MAP3K5: variants seen among roughly 807,000 people sequenced by gnomAD.
MAP3K5 encodes the protein mitogen-activated protein kinase kinase kinase 5.
In MAP3K5, 56 loss-of-function variants were observed where a neutral mutation model predicts 158.7. That is an observed-to-expected ratio of 0.35 (90% CI 0.28 to 0.44). The LOEUF (loss-of-function observed/expected upper bound fraction) is 0.44. Among genes scored for constraint, MAP3K5 ranks in the 20% least tolerant of loss-of-function variants. The pLI is 1.00. For missense variants in MAP3K5, 1,294 were observed against 1,674.8 expected (o/e 0.77, Z 3.97); for synonymous variants, 579 against 601.7 (o/e 0.96, Z 0.55).
intron 15 of MAP3K5, among the ~76,000 whole-genome samples, chr6:136,617,655 C>T (rs1334033864): frequency 6.6e-6 from 1 of 152,174 alleles, no homozygotes; most frequent in Non-Finnish European, 1.5e-5. Context: ...CAGTCCACGG[C>T]CGGTGCAGTG....
At chr6:136,694,109 T>C (rs762328929) in intron 7 of MAP3K5, 31 bp downstream of exon 7, 2 of 1,559,208 alleles carry the variant, frequency 1.3e-6, no homozygotes. Context: ...ATTTACTAAG[T>C]AAGTAGCTCA....
intron 7 of MAP3K5, among the ~76,000 whole-genome samples, chr6:136,674,545 A>G (rs913069155): frequency 6.6e-6 from 1 of 152,028 alleles, no homozygotes. Flanking sequence ...AGAACAAAAA[A>G]CATGTAAGAC....
At chr6:136,789,503 G>A (rs554920454) in intron 1 of MAP3K5, among the ~76,000 whole-genome samples, 57 of 151,896 alleles carry the variant, frequency 3.8e-4, no homozygotes, top group African/African-American at 1.1e-3. Flanking sequence ...CAGAGTGGGC[G>A]CAGGAAAAAG....
At chr6:136,780,150 G>A (rs1279797164) in intron 1 of MAP3K5, among the ~76,000 whole-genome samples, 2 of 152,192 alleles carry the variant, frequency 1.3e-5, no homozygotes, top group Admixed American at 6.5e-5. Flanking sequence ...TTTTAAAGGG[G>A]TGTGTACCTT....
intron 7 of MAP3K5, among the ~76,000 whole-genome samples, chr6:136,689,895 G>A (rs1780315216): frequency 6.6e-6 from 1 of 151,796 alleles, no homozygotes; most frequent in African/African-American, 2.4e-5. Context: ...ATTTCTAAAA[G>A]CTAAGATTTC....
intron 8 of MAP3K5, among the ~76,000 whole-genome samples, chr6:136,666,279 G>A (rs1187770507): frequency 6.6e-6 from 1 of 152,204 alleles, no homozygotes; most frequent in Non-Finnish European, 1.5e-5. Flanking sequence ...CAGCATGACA[G>A]TTAAGAATCA....
chr6:136,567,317 A>G (rs76246271), intron 26 of MAP3K5, among the ~76,000 whole-genome samples: 16 of 152,112 alleles, frequency 1.1e-4, no homozygotes, highest in African/African-American at 3.9e-4. Context: ...TCAGCTATCT[A>G]CTGGAAGGTA....
At chr6:136,730,385 T>A (rs1782168823) in intron 1 of MAP3K5, among the ~76,000 whole-genome samples, 1 of 151,372 alleles carries the variant, frequency 6.6e-6, no homozygotes, top group African/African-American at 2.4e-5. Context: ...CTGATAGCAG[T>A]CCTTTTGAAC....
At position 136,582,913 on chromosome 6, in the gene MAP3K5, C is replaced by T. The variant is rs79842965; in HGVS notation, c.3411+642G>A. On this transcript the variant is annotated intron_variant, in intron 24 of 29. Transcript: ENST00000359015. ...AGAATAACACAGAGGGTTCTGAATG[C>T]AGTACAGAAGACTGGCTTTAGTTTG... 9.6e-3 allele frequency among the ~76,000 whole-genome samples: 1,456 copies of T among 152,200 alleles called. 27 individuals carry two copies. The highest frequency in any genetic ancestry group is 0.033 in the African/African-American group (1,386 of 41,516).
chr6:136,758,130 T>C (rs1783589201), intron 1 of MAP3K5, among the ~76,000 whole-genome samples: 1 of 152,230 alleles, frequency 6.6e-6, no homozygotes, highest in African/African-American at 2.4e-5. Flanking sequence ...AATGCTATTT[T>C]GATTTTACTT....
chr6:136,691,816 C>G (rs1004119788), intron 7 of MAP3K5, among the ~76,000 whole-genome samples: 1 of 152,052 alleles, frequency 6.6e-6, no homozygotes, highest in Non-Finnish European at 1.5e-5. Context: ...CTTTTCAGTT[C>G]TAGAACTCCC....
At chr6:136,671,090 C>T (rs997602461) in intron 7 of MAP3K5, among the ~76,000 whole-genome samples, 3 of 152,164 alleles carry the variant, frequency 2.0e-5, no homozygotes, top group Non-Finnish European at 4.4e-5. Flanking sequence ...GAAGTAGACA[C>T]TTCCCTTTCT....
intron 2 of MAP3K5, among the ~76,000 whole-genome samples, chr6:136,718,077 C>T (rs1781599650): frequency 1.3e-5 from 2 of 152,016 alleles, no homozygotes; most frequent in South Asian, 2.1e-4. Flanking sequence ...AGTCGTAATC[C>T]CAAATTTTCC....
chr6:136,724,037 T>C (rs1011251776), intron 1 of MAP3K5, among the ~76,000 whole-genome samples: 1 of 152,050 alleles, frequency 6.6e-6, no homozygotes, highest in African/African-American at 2.4e-5. Context: ...ATCACATTGC[T>C]TTAAAATCAA....
At chr6:136,669,178 T>A (rs1351551326) in intron 8 of MAP3K5, 105 bp downstream of exon 8, 7 of 793,436 alleles carry the variant, frequency 8.8e-6, no homozygotes, top group Non-Finnish European at 1.5e-5. Flanking sequence ...TTGGGAAGTA[T>A]GAAAAGACAG....
At chr6:136,698,468 G>A (rs1188673070) in intron 4 of MAP3K5, 21 bp downstream of exon 4, 3 of 1,599,298 alleles carry the variant, frequency 1.9e-6, no homozygotes, top group East Asian at 2.2e-5. Context: ...TCACCAAATG[G>A]CATTATTAAT....
At chr6:136,569,473 T>C (rs1774269775) in intron 25 of MAP3K5, among the ~76,000 whole-genome samples, 1 of 152,244 alleles carries the variant, frequency 6.6e-6, no homozygotes, top group Non-Finnish European at 1.5e-5. Flanking sequence ...TTCTTTATGC[T>C]GACTTCAACT....
chr6:136,792,175 C>G lies in MAP3K5; in HGVS notation c.-18G>C, dbSNP rs1019612547. 10 of 1,534,696 alleles carry G rather than the reference C, an allele frequency of 6.5e-6. No homozygotes were observed. The African/African-American group carries it at 8.5e-5, about 13-fold the overall frequency. On this transcript the variant is annotated 5_prime_UTR_variant, in exon 1 of 30. Coordinates refer to ENST00000359015, the MANE Select transcript of MAP3K5 (RefSeq NM_005923.4). This position sits in a 1 kb window ranked among gnomAD's most constrained non-coding sequence, Gnocchi z 5.7. The stretch of plus-strand genomic sequence containing the variant: ...GTGCTCATCTCTCCGGGCCGGGCAG[C>G]AACGGCGGCGGCGTCCCCCGCCCAG...
chr6:136,573,129 TG>T (rs1427171194), intron 25 of MAP3K5, among the ~76,000 whole-genome samples: 1 of 152,180 alleles, frequency 6.6e-6, no homozygotes. Flanking sequence ...GATTAGCATT[TG>T]AATCAATGCA....
Sources: gnomAD v4.1 joint callset for allele counts (sites outside exome capture counted in the v4.1 genomes callset) on GRCh38, gnomAD v4.1.1 for gene constraint, Gnocchi (gnomAD v3.1) non-coding constraint, MANE v1.5 for transcripts, NCBI Gene and HGNC (gene_info 2026-07-23, HGNC 2026-07-21) for gene names.